The following NRXN3 variants were observed in gnomAD, a reference collection of about 807,000 sequenced individuals.
The protein encoded by NRXN3 is neurexin 3, also known as neurexin III.
A neutral mutation model predicts 137.6 loss-of-function variants in NRXN3; 32 were observed. The ratio of observed to expected loss-of-function variants is 0.23; its 90% CI spans 0.18 to 0.31. The LOEUF is 0.31. Among genes scored for constraint, NRXN3 ranks in the 10% least tolerant of loss-of-function variants. The probability of loss-of-function intolerance (pLI) is 1.00; values close to 1 mark genes in which losing one functional copy is unlikely to be tolerated. For synonymous variants in NRXN3, 798 were observed against 784.5 expected, an observed-to-expected ratio of 1.02 and a Z score of -0.29; for missense variants, 1,574 against 2,062.5, an observed-to-expected ratio of 0.76 and a Z score of 4.59.
intron 10 of NRXN3, among the ~76,000 whole-genome samples, chr14:78,822,845 T>C (rs189269897): frequency 7.2e-4 from 109 of 152,334 alleles, no homozygotes; most frequent in Middle Eastern, 6.8e-3. Flanking sequence ...ACTTGTATGC[T>C]GAAGTGTTAA....
At chr14:78,805,734 C>T (rs1863027) in intron 9 of NRXN3, among the ~76,000 whole-genome samples, 4 of 152,086 alleles carry the variant, frequency 2.6e-5, no homozygotes, top group African/African-American at 9.7e-5. Flanking sequence ...CAGCCCCACG[C>T]GATCCTGAGG....
intron 19 of NRXN3, chr14:79,791,304 GATTGGCTCTA>G (rs2099144391): frequency 6.6e-6 from 1 of 151,838 alleles, no homozygotes; most frequent in Admixed American, 6.6e-5. Flanking sequence ...TCTCTGTTAT[GATTGGCTCTA>G]ACTTCCATTA....
chr14:79,406,290 C>T (rs1599816812), intron 15 of NRXN3, among the ~76,000 whole-genome samples: 1 of 149,818 alleles, frequency 6.7e-6, no homozygotes, highest in East Asian at 2.0e-4. Context: ...CCTCTTCTCC[C>T]CTCCTCTCCT....
rs539779989 is a variant in NRXN3 at position 79,166,651 on chromosome 14, G to A, written c.3262+178510G>A. 2.6e-5 allele frequency among the ~76,000 whole-genome samples: 4 copies of A among 151,586 alleles called. No individual in the cohort carries two copies. In the East Asian group the frequency reaches 7.8e-4, roughly 29 times the overall value. ...TGAGACCCAAGGATTAGTAAGATGGGCATTGGCAGGGTTACCATAACTTTT... is the reference window on the plus strand; with the variant it reads ...TGAGACCCAAGGATTAGTAAGATGGACATTGGCAGGGTTACCATAACTTTT... On this transcript the variant is annotated intron_variant, in intron 15 of 20. Transcript: ENST00000335750.
chr14:79,798,702 G>A (rs930121088), intron 19 of NRXN3, among the ~76,000 whole-genome samples: 2 of 152,198 alleles, frequency 1.3e-5, no homozygotes, highest in Non-Finnish European at 2.9e-5. Context: ...ACCAGTGTAA[G>A]ATAAAGAGCT....
intron 20 of NRXN3, among the ~76,000 whole-genome samples, chr14:79,838,824 T>A (rs1251933254): frequency 6.6e-6 from 1 of 152,208 alleles, no homozygotes; most frequent in Non-Finnish European, 1.5e-5. Context: ...CCTGAGACTG[T>A]GCTAGCAATA....
chr14:79,436,620 A>G (rs2095849813), intron 15 of NRXN3, among the ~76,000 whole-genome samples: 1 of 152,134 alleles, frequency 6.6e-6, no homozygotes, highest in Non-Finnish European at 1.5e-5. Context: ...AGTACAGTGT[A>G]TATGTAAGTG....
chr14:79,011,223 T>C (rs2099570305), intron 15 of NRXN3, among the ~76,000 whole-genome samples: 1 of 152,168 alleles, frequency 6.6e-6, no homozygotes, highest in Non-Finnish European at 1.5e-5. Flanking sequence ...GTAAATTCAC[T>C]AGACACTGAG....
intron 17 of NRXN3, among the ~76,000 whole-genome samples, chr14:79,667,073 T>C (rs911641532): frequency 6.6e-6 from 1 of 152,064 alleles, no homozygotes; most frequent in East Asian, 1.9e-4. Context: ...AATTTAACTA[T>C]TAATAATTTA....
intron 1 of NRXN3, among the ~76,000 whole-genome samples, chr14:78,194,152 A>G (rs1381658954): frequency 6.6e-6 from 1 of 152,246 alleles, no homozygotes; most frequent in African/African-American, 2.4e-5. Flanking sequence ...TTCTAGATGC[A>G]GTGGGCTGAG....
intron 10 of NRXN3, among the ~76,000 whole-genome samples, chr14:78,824,356 C>T (rs890023325): frequency 6.6e-6 from 1 of 152,030 alleles, no homozygotes; most frequent in African/African-American, 2.4e-5. Context: ...TATTTGTTTC[C>T]ATGAGTATCT....
At chr14:79,723,576 C>G (rs1415786193) in intron 19 of NRXN3, among the ~76,000 whole-genome samples, 1 of 152,098 alleles carries the variant, frequency 6.6e-6, no homozygotes, top group African/African-American at 2.4e-5. Context: ...TTTGCCAAGT[C>G]TCCATTCTCA....
chr14:79,161,070 G>A (rs2060723251), intron 15 of NRXN3, among the ~76,000 whole-genome samples: 1 of 151,866 alleles, frequency 6.6e-6, no homozygotes, highest in South Asian at 2.1e-4. Flanking sequence ...CATGTAACCT[G>A]GAATGCTTAC....
At chr14:78,628,221 T>A (rs1161432509) in intron 4 of NRXN3, among the ~76,000 whole-genome samples, 1 of 151,964 alleles carries the variant, frequency 6.6e-6, no homozygotes, top group Non-Finnish European at 1.5e-5. Context: ...TATAGACACA[T>A]GCCACCGTGC....
intron 16 of NRXN3, among the ~76,000 whole-genome samples, chr14:79,619,874 G>A (rs915199942): frequency 6.6e-6 from 1 of 152,060 alleles, no homozygotes; most frequent in Non-Finnish European, 1.5e-5. Flanking sequence ...CCATTTGAGT[G>A]GTCTGTGGGT....
intron 18 of NRXN3, among the ~76,000 whole-genome samples, chr14:79,694,610 G>A (rs2098728283): frequency 6.6e-6 from 1 of 151,898 alleles, no homozygotes; most frequent in South Asian, 2.1e-4. Context: ...TGAGAATAAT[G>A]AGATCTGGCA....
intron 15 of NRXN3, among the ~76,000 whole-genome samples, chr14:79,373,075 C>G (rs1477177453): frequency 6.6e-6 from 1 of 152,108 alleles, no homozygotes; most frequent in Non-Finnish European, 1.5e-5. Flanking sequence ...TTACTGTCAA[C>G]AAATTCAAAA....
chr14:78,833,105 T>C (rs941723529), intron 10 of NRXN3, among the ~76,000 whole-genome samples: 1 of 152,226 alleles, frequency 6.6e-6, no homozygotes, highest in African/African-American at 2.4e-5. Context: ...AAGTTAGTCA[T>C]GGCTGTGCCT....
At chr14:78,690,341 G>A (rs1343818791) in intron 6 of NRXN3, among the ~76,000 whole-genome samples, 2 of 152,144 alleles carry the variant, frequency 1.3e-5, no homozygotes, top group Admixed American at 6.5e-5. Context: ...GAACTAGTTC[G>A]GAAGTTAGAT....
Sources: allele counts gnomAD v4.1 joint callset (sites outside exome capture counted in the v4.1 genomes callset), GRCh38; gene constraint gnomAD v4.1.1; transcripts MANE v1.5; gene names NCBI Gene and HGNC (gene_info 2026-07-23, HGNC 2026-07-21).